Variants in MCMBP observed in about 807,000 individuals in gnomAD.
MCMBP encodes mini-chromosome maintenance complex-binding protein.
Under a neutral mutation model 81.3 loss-of-function variants are expected in MCMBP, and 31 were observed. The ratio of observed to expected loss-of-function variants is 0.38; its 90% CI spans 0.29 to 0.51. The LOEUF is 0.51. Among genes scored for constraint, MCMBP ranks in the 20% least tolerant of loss-of-function variants. The pLI is 0.87. For synonymous variants in MCMBP, 267 were observed against 275.9 expected (o/e 0.97, Z 0.32); for missense variants, 645 against 772.1 (o/e 0.84, Z 1.95).
rs529276345 is a variant in MCMBP at position 119,830,274 on chromosome 10, G to T, written c.*1200C>A. The T allele has an allele frequency of 2.1e-4, 32 of 152,750 alleles. 1 individual carries two copies. The highest frequency in any genetic ancestry group is 2.0e-3 in the Admixed American group (31 of 15,304). The allele number at this position is 152,750 out of a possible 1,614,324, so 9.5% of individuals were successfully genotyped here. On this transcript the variant is annotated 3_prime_UTR_variant, in exon 16 of 16. Transcript: ENST00000369077. ...ACTAGGTAAGTTATTTGATACCACT[G>T]ACAGCTTAAAAAGTAATGTCCTAAC...
At chr10:119,866,541 G>T (rs541035446) in intron 1 of MCMBP, among the ~76,000 whole-genome samples, 1 of 152,076 alleles carries the variant, frequency 6.6e-6, no homozygotes, top group Admixed American at 6.6e-5. Flanking sequence ...CAAGAGAATC[G>T]CTTGAACCCG....
intron 1 of MCMBP, among the ~76,000 whole-genome samples, chr10:119,871,216 G>A (rs1332611052): frequency 6.6e-6 from 1 of 152,252 alleles, no homozygotes; most frequent in African/African-American, 2.4e-5. Flanking sequence ...ATCTTCACTT[G>A]ACATTTTGGG....
chr10:119,871,744 C>T (rs1395679444), intron 1 of MCMBP, among the ~76,000 whole-genome samples: 1 of 152,166 alleles, frequency 6.6e-6, no homozygotes, highest in Non-Finnish European at 1.5e-5. Context: ...CCACTCATTA[C>T]GTGTAAAAAG....
intron 14 of MCMBP, 137 bp downstream of exon 14, chr10:119,835,403 T>C: frequency 1.3e-6 from 1 of 757,478 alleles, no homozygotes; most frequent in South Asian, 1.9e-5. Flanking sequence ...AAGACAATAA[T>C]GGAGTAACAG....
Position 119,842,469 on chromosome 10 carries a change from T to TA in MCMBP, c.1124+2dup. On this transcript the variant is annotated splice_region_variant and intron_variant, in intron 10 of 15. Transcript: ENST00000369077. Reference sequence around the variant, plus strand: ...CTAATTCCCACCAGGATACAGCACTTACACTGTGGAGATGAGATGTAATAT... The same window carrying TA: ...CTAATTCCCACCAGGATACAGCACTTAACACTGTGGAGATGAGATGTAATAT... The TA allele has an allele frequency of 6.2e-7, 1 of 1,612,090 alleles. No individual in the cohort carries two copies. The highest frequency in any genetic ancestry group is 8.5e-7 in the Non-Finnish European group (1 of 1,178,992).
At chr10:119,871,325 T>C (rs1312453604) in intron 1 of MCMBP, among the ~76,000 whole-genome samples, 1 of 152,038 alleles carries the variant, frequency 6.6e-6, no homozygotes, top group Admixed American at 6.5e-5. Flanking sequence ...CAAAGCACCC[T>C]TGACTGCTAT....
At chr10:119,834,581 C>T (rs1399691285) in intron 14 of MCMBP, among the ~76,000 whole-genome samples, 1 of 152,010 alleles carries the variant, frequency 6.6e-6, no homozygotes, top group African/African-American at 2.4e-5. Flanking sequence ...TTTCGGGAGG[C>T]TAAGGAGAGA....
At position 119,847,524 on chromosome 10, in the gene MCMBP, G is replaced by T. The variant is rs1262588972; in HGVS notation, c.827+89C>A. ...GGTACATCTGGGAGAAAGGGAAAAG[G>T]GAGTTCTTTAAAACCATCCTGTAAC... On this transcript the variant is annotated intron_variant, in intron 8 of 15. Coordinates refer to ENST00000369077, the MANE Select transcript of MCMBP (RefSeq NM_001256378.2). The T allele has an allele frequency of 4.5e-5, 30 of 661,970 alleles. No homozygotes were observed. In the East Asian group the frequency reaches 4.6e-4, roughly 10 times the overall value. The allele number at this position is 661,970 out of a possible 1,614,324, so 41.0% of individuals were successfully genotyped here. A position where few individuals can be genotyped will look rare whatever the true frequency, so the allele number is the denominator to read the frequency against.
At chr10:119,847,481 G>A in intron 8 of MCMBP, 132 bp downstream of exon 8, 1 of 508,536 alleles carries the variant, frequency 2.0e-6, no homozygotes, top group Non-Finnish European at 3.5e-6. Flanking sequence ...AACACATGGG[G>A]TGCAAGTGTT....
At chr10:119,870,822 C>T (rs1404072777) in intron 1 of MCMBP, among the ~76,000 whole-genome samples, 1 of 152,162 alleles carries the variant, frequency 6.6e-6, no homozygotes, top group Non-Finnish European at 1.5e-5. Flanking sequence ...TAAGACACAA[C>T]GTACACGGGA....
chr10:119,836,859 T>C (rs369916284), intron 13 of MCMBP, 37 bp downstream of exon 13: 92 of 1,450,286 alleles, frequency 6.3e-5, no homozygotes, highest in Non-Finnish European at 8.1e-5. Flanking sequence ...ATTTTTCCAA[T>C]GTCAACCTCC....
At chr10:119,843,581 G>C (rs566999066) in intron 8 of MCMBP, among the ~76,000 whole-genome samples, 155 bp from the exon 9 acceptor site, 38 of 152,326 alleles carry the variant, frequency 2.5e-4, no homozygotes, top group Admixed American at 2.1e-3. Context: ...TCATTCTAAA[G>C]TGTTACATCA....
intron 15 of MCMBP, 33 bp from the exon 16 acceptor site, chr10:119,831,633 A>C: frequency 6.2e-7 from 1 of 1,605,374 alleles, no homozygotes; most frequent in East Asian, 2.2e-5. Context: ...ATTTAAGTCT[A>C]GAGCTGGGAT....
At chr10:119,871,262 T>C (rs993029672) in intron 1 of MCMBP, among the ~76,000 whole-genome samples, 2 of 152,194 alleles carry the variant, frequency 1.3e-5, no homozygotes, top group African/African-American at 4.8e-5. Flanking sequence ...ATTTCTAGAA[T>C]TCTTATGAAC....
intron 8 of MCMBP, among the ~76,000 whole-genome samples, chr10:119,846,887 G>A (rs1852636454): frequency 6.6e-6 from 1 of 151,710 alleles, no homozygotes; most frequent in Non-Finnish European, 1.5e-5. Context: ...AGAACTACTG[G>A]AAGACATATA....
intron 1 of MCMBP, among the ~76,000 whole-genome samples, chr10:119,863,605 T>A (rs1853338765): frequency 6.6e-6 from 1 of 151,584 alleles, no homozygotes; most frequent in African/African-American, 2.4e-5. Context: ...GGCACACGCC[T>A]GTAATCCCAG....
At chr10:119,839,169 A>C (rs1397887514) in intron 11 of MCMBP, among the ~76,000 whole-genome samples, 2 of 152,214 alleles carry the variant, frequency 1.3e-5, no homozygotes, top group Non-Finnish European at 2.9e-5. Context: ...AGAAAAATCA[A>C]GGAGCAGAGC....
At chr10:119,845,201 A>T (rs907904682) in intron 8 of MCMBP, among the ~76,000 whole-genome samples, 2 of 152,224 alleles carry the variant, frequency 1.3e-5, no homozygotes, top group African/African-American at 4.8e-5. Flanking sequence ...GGTTAAGCTT[A>T]TTTAAAGTTG....
chr10:119,863,728 C>CAAAAAA (rs57266961), intron 1 of MCMBP, among the ~76,000 whole-genome samples: 1 of 20,204 alleles, frequency 4.9e-5, no homozygotes, highest in Non-Finnish European at 8.2e-5. Context: ...GGCTCAGACT[C>CAAAAAA]AAAAAAAAAA....
Sources: gnomAD v4.1 joint callset for allele counts (sites outside exome capture counted in the v4.1 genomes callset) on GRCh38, gnomAD v4.1.1 for gene constraint, MANE v1.5 for transcripts, NCBI Gene and HGNC (gene_info 2026-07-23, HGNC 2026-07-21) for gene names.